Variants in PADI2 observed in about 807,000 individuals in gnomAD.
The protein encoded by PADI2 is protein-arginine deiminase type-2.
PADI2 carries 70 observed loss-of-function variants against 81.1 expected under a neutral mutation model. The observed-to-expected ratio is 0.86, with a 90% CI of 0.71 to 1.05. PADI2 has a LOEUF of 1.05. Ranked by LOEUF, PADI2 falls within the 50% of genes least tolerant of loss-of-function variation. The pLI is 0.00. For synonymous variants in PADI2, 338 were observed against 358.0 expected (o/e 0.94, Z 0.63); for missense variants, 853 against 889.9 (o/e 0.96, Z 0.53).
rs1466810522 is a variant in PADI2 at position 17,067,136 on chromosome 1, C to T, written c.*1908G>A. 41 of 150,550 alleles carry T rather than the reference C, an allele frequency of 2.7e-4. No individual in the cohort carries two copies. In the Admixed American group the frequency reaches 2.7e-3, roughly 10 times the overall value. The allele number at this position is 150,550 out of a possible 1,614,324, so 9.3% of individuals were successfully genotyped here. Reference sequence around the variant, plus strand: ...AATTACCGACATCATTGGGGAAAGCCTTAGAAAAATCTATAAAGACACACT... The same window carrying T: ...AATTACCGACATCATTGGGGAAAGCTTTAGAAAAATCTATAAAGACACACT... On this transcript the variant is annotated 3_prime_UTR_variant, in exon 16 of 16. Transcript: ENST00000375486.
At chr1:17,070,794 TG>T (rs1190920690) in intron 14 of PADI2, among the ~76,000 whole-genome samples, 1 of 152,200 alleles carries the variant, frequency 6.6e-6, no homozygotes, top group East Asian at 1.9e-4. Flanking sequence ...CCCAAGTAGC[TG>T]GGATTATAGG....
At chr1:17,073,003 C>T (rs1454371317) in intron 13 of PADI2, among the ~76,000 whole-genome samples, 1 of 152,140 alleles carries the variant, frequency 6.6e-6, no homozygotes, top group East Asian at 1.9e-4. Flanking sequence ...CAGTGACAGT[C>T]AGGAACACTG....
intron 9 of PADI2, 100 bp from the exon 10 acceptor site, chr1:17,082,752 C>T (rs920948693): frequency 2.1e-5 from 15 of 704,582 alleles, no homozygotes; most frequent in African/African-American, 1.3e-4. Flanking sequence ...GGAAGAAGAA[C>T]GTCTGTCTTG....
rs112854214 is a variant in PADI2 at position 17,095,079 on chromosome 1, T to C, written c.411+830A>G. On this transcript the variant is annotated intron_variant, in intron 4 of 15. Transcript: ENST00000375486. ...CGTAAGTACCCCTCTATGTATACTT[T>C]ACTCTAGGCTTCAGAGTGTTATTAT... Among the ~76,000 whole-genome samples the C allele has an allele frequency of 2.4e-3, 370 of 152,346 alleles. 2 individuals are homozygous for C. The highest frequency in any genetic ancestry group is 8.7e-3 in the African/African-American group (363 of 41,578).
At chr1:17,108,051 C>A (rs2295046) in intron 1 of PADI2, among the ~76,000 whole-genome samples, 91,386 of 151,192 alleles carry the variant, frequency 0.6, 29,581 homozygotes, top group East Asian at 0.85. Context: ...TTGGTTCAAG[C>A]GATTCTCCTG....
At chr1:17,091,041 G>A (rs752335046) in intron 6 of PADI2, among the ~76,000 whole-genome samples, 1 of 151,830 alleles carries the variant, frequency 6.6e-6, no homozygotes, top group African/African-American at 2.4e-5. Context: ...CAACATCTCC[G>A]GCCCCCTGCG....
At chr1:17,110,074 G>A (rs751286877) in intron 1 of PADI2, among the ~76,000 whole-genome samples, 2 of 152,180 alleles carry the variant, frequency 1.3e-5, no homozygotes, top group Non-Finnish European at 2.9e-5. Flanking sequence ...TTCTTGGAGT[G>A]GCCCTGGGCA....
Position 17,115,815 on chromosome 1 carries a change from C to T in PADI2, c.92+3465G>A, listed in dbSNP as rs1931738456. On this transcript the variant is annotated intron_variant, in intron 1 of 15. Transcript: ENST00000375486. The surrounding 1 kb of genome is among the most constrained non-coding windows in gnomAD (Gnocchi z 4.1). ...TATATTTGGGAAGAGCAGAAGGAAACAGCGAGTATCTTTAACAACAATCAC... is the reference window on the plus strand; with the variant it reads ...TATATTTGGGAAGAGCAGAAGGAAATAGCGAGTATCTTTAACAACAATCAC... Among the ~76,000 whole-genome samples, 1 of 152,244 alleles carries T rather than the reference C, an allele frequency of 6.6e-6. No homozygotes were observed. The highest frequency in any genetic ancestry group is 1.5e-5 in the Non-Finnish European group (1 of 68,046).
chr1:17,092,948 CAA>C (rs1175202023), intron 5 of PADI2, among the ~76,000 whole-genome samples: 1,670 of 60,018 alleles, frequency 0.028, 30 homozygotes, highest in African/African-American at 0.083. Flanking sequence ...GGCCTTGTCT[CAA>C]AAAAAAAAAA....
At chr1:17,079,825 T>A (rs1019794781) in intron 10 of PADI2, among the ~76,000 whole-genome samples, 1 of 151,896 alleles carries the variant, frequency 6.6e-6, no homozygotes, top group African/African-American at 2.4e-5. Context: ...GATGGAGTCT[T>A]GCTCTGTCGC....
chr1:17,112,418 G>A (rs191721260), intron 1 of PADI2, among the ~76,000 whole-genome samples: 58 of 152,224 alleles, frequency 3.8e-4, no homozygotes, highest in African/African-American at 1.2e-3. Flanking sequence ...TAGCTTGCCC[G>A]CCTGGCCTGG....
chr1:17,102,855 G>A, intron 3 of PADI2, 132 bp downstream of exon 3: 1 of 680,222 alleles, frequency 1.5e-6, no homozygotes. Context: ...CCCTCCCCAG[G>A]CCTGTGCCAT....
Position 17,117,111 on chromosome 1 carries a change from A to C in PADI2, c.92+2169T>G, listed in dbSNP as rs568266592. ...CAAAGAAATATCGAGCCCAAAATGC[A>C]ATAGTGCGAGATTGAGAAACTCTGC... is the stretch of plus-strand genomic sequence containing the variant. On this transcript the variant is annotated intron_variant, in intron 1 of 15. Coordinates refer to ENST00000375486, the MANE Select transcript of PADI2 (RefSeq NM_007365.3). 3.9e-5 allele frequency among the ~76,000 whole-genome samples: 6 copies of C among 152,312 alleles called. No homozygotes were observed. The East Asian group carries it at 1.2e-3, about 29-fold the overall frequency.
In PADI2 at chr1:17,068,064, A is replaced by C. The variant is rs1049666557; in HGVS notation, c.*980T>G. On this transcript the variant is annotated 3_prime_UTR_variant, in exon 16 of 16. Transcript: ENST00000375486. ...CCAGGGTCCTTATGTGTTGGATCTG[A>C]TGTCCGGAGAGGAGGGGCTGGTCAC... 3 of 152,654 alleles carry C rather than the reference A, an allele frequency of 2.0e-5. No individual in the cohort carries two copies. The highest frequency in any genetic ancestry group is 6.5e-5 in the Admixed American group (1 of 15,278). 9.5% of individuals were successfully genotyped at this position (152,654 alleles called of 1,614,324 possible). A position where few individuals can be genotyped will look rare whatever the true frequency, so the allele number is the denominator to read the frequency against.
Position 17,068,681 on chromosome 1 carries a change from T to C in PADI2, c.*363A>G. ...GCATGGCTGCTGGAAGAACTGGCAA[T>C]CCCAGAATCTCCTTCCCTTCTCCCC... On this transcript the variant is annotated 3_prime_UTR_variant, in exon 16 of 16. Transcript: ENST00000375486. 1 of 232,740 alleles carries C rather than the reference T, an allele frequency of 4.3e-6. No homozygotes were observed. The highest frequency in any genetic ancestry group is 5.1e-5 in the Admixed American group (1 of 19,468). 14.4% of individuals were successfully genotyped at this position (232,740 alleles called of 1,614,324 possible).
Position 17,066,849 on chromosome 1 carries a change from G to C in PADI2, c.*2195C>G, listed in dbSNP as rs763968099. ...GATCTCCACCACAGGCTCTTTTCCA[G>C]AAATTTGAAACTGTGTTCTTCTTGC... On this transcript the variant is annotated 3_prime_UTR_variant, in exon 16 of 16. Coordinates refer to ENST00000375486, the MANE Select transcript of PADI2 (RefSeq NM_007365.3). The C allele has an allele frequency of 3.3e-5, 5 of 152,180 alleles. No homozygotes were observed. Among genetic ancestry groups the C allele is most frequent in the Non-Finnish European group, 7.3e-5 (5 of 68,040 alleles). The allele number at this position is 152,180 out of a possible 1,614,324, so 9.4% of individuals were successfully genotyped here. A position where few individuals can be genotyped will look rare whatever the true frequency, so the allele number is the denominator to read the frequency against.
chr1:17,117,875 G>C lies in PADI2; in HGVS notation c.92+1405C>G, dbSNP rs554378355. On this transcript the variant is annotated intron_variant, in intron 1 of 15. Coordinates refer to ENST00000375486, the MANE Select transcript of PADI2 (RefSeq NM_007365.3). ...GGGTGGGGAAGGCAGGGGAGCTCTT[G>C]CACCCCACCAGAGCCTGGACCACCC... Among the ~76,000 whole-genome samples, 6 of 152,324 alleles carry C rather than the reference G, an allele frequency of 3.9e-5. 1 individual carries two copies. The highest frequency in any genetic ancestry group is 3.4e-3 in the Middle Eastern group (1 of 294).
In PADI2 at chr1:17,071,392, T is replaced by C. The variant is rs1427184995; in HGVS notation, c.1635+14A>G. On this transcript the variant is annotated intron_variant, in intron 14 of 15. Transcript: ENST00000375486. Reference sequence around the variant, plus strand: ...CAGGGGCCCTCTGGCCCTGCACCCCTGCCCTGCCCTCACCTGGAAGTACAG... The same window carrying C: ...CAGGGGCCCTCTGGCCCTGCACCCCCGCCCTGCCCTCACCTGGAAGTACAG... 6.2e-7 allele frequency: 1 copy of C among 1,601,966 alleles called. No homozygotes were observed. The highest frequency in any genetic ancestry group is 8.6e-7 in the Non-Finnish European group (1 of 1,169,136).
chr1:17,107,043 G>A (rs1034715697), intron 1 of PADI2, among the ~76,000 whole-genome samples: 1 of 152,170 alleles, frequency 6.6e-6, no homozygotes, highest in Admixed American at 6.5e-5. Context: ...TGACAGGAAG[G>A]ACAGGGGACT....
Sources: allele counts gnomAD v4.1 joint callset (sites outside exome capture counted in the v4.1 genomes callset), GRCh38; gene constraint gnomAD v4.1.1; non-coding constraint Gnocchi (gnomAD v3.1); transcripts MANE v1.5; gene names NCBI Gene and HGNC (gene_info 2026-07-23, HGNC 2026-07-21).